Variants in GALNT8 observed in about 807,000 individuals in gnomAD.
GALNT8 encodes polypeptide N-acetylgalactosaminyltransferase 8, also known as probable polypeptide N-acetylgalactosaminyltransferase 8.
A neutral mutation model predicts 62.7 loss-of-function variants in GALNT8; 66 were observed. The ratio of observed to expected loss-of-function variants is 1.05; its 90% CI spans 0.86 to 1.29. GALNT8 has a LOEUF of 1.29. GALNT8 is among the 50% of genes most tolerant of loss of function. The probability of loss-of-function intolerance (pLI) is 0.00; values close to 1 mark genes in which losing one functional copy is unlikely to be tolerated. For synonymous variants in GALNT8, 288 were observed against 294.3 expected, an observed-to-expected ratio of 0.98 and a Z score of 0.22; for missense variants, 771 against 791.8, an observed-to-expected ratio of 0.97 and a Z score of 0.32.
At chr12:4,735,474 A>AC (rs985826112) in intron 2 of GALNT8, among the ~76,000 whole-genome samples, 1 of 151,960 alleles carries the variant, frequency 6.6e-6, no homozygotes, top group Admixed American at 6.6e-5. Context: ...CCTTGGTATC[A>AC]CCCCAGGAAG....
At chr12:4,729,859 C>G (rs11063319) in intron 2 of GALNT8, among the ~76,000 whole-genome samples, 31,490 of 152,014 alleles carry the variant, frequency 0.21, 3,642 homozygotes, top group South Asian at 0.44. Context: ...TGCAATGGTT[C>G]TATTTTTTCC....
At position 4,761,027 on chromosome 12, in the gene GALNT8, A is replaced by G. The variant is rs1268519750; in HGVS notation, c.1243A>G (p.Lys415Glu). ...SRIAHLERHHKPYALDLTAAL... is the reference protein window; with the variant it reads ...SRIAHLERHHEPYALDLTAAL... ...GATTGCCCACCTAGAGAGACACCACAAGCCCTACGCCTTGGATCTCACCGC... is the reference window on the plus strand; with the variant it reads ...GATTGCCCACCTAGAGAGACACCACGAGCCCTACGCCTTGGATCTCACCGC... Residue 415 changes from lysine to glutamate, a missense_variant, in exon 7 of 11, where the codon AAG becomes GAG. Lys to Glu is a moderately conservative substitution (Grantham distance 56). Transcript: ENST00000252318. 3.7e-6 allele frequency: 6 copies of G among 1,614,118 alleles called. No individual in the cohort carries two copies. The highest frequency in any genetic ancestry group is 5.1e-6 in the Non-Finnish European group (6 of 1,180,014).
chr12:4,772,703 T>C lies in GALNT8; in HGVS notation c.*106T>C. On this transcript the variant is annotated 3_prime_UTR_variant, in exon 11 of 11. Coordinates refer to ENST00000252318, the MANE Select transcript of GALNT8 (RefSeq NM_017417.2). ...CAATGAGAAAGAAAGCATGTGTATG[T>C]CTGTTTATGGCGACTTCAGGTGGGG... 1 of 908,444 alleles carries C rather than the reference T, an allele frequency of 1.1e-6. No individual in the cohort carries two copies. Among genetic ancestry groups the C allele is most frequent in the African/African-American group, 1.6e-5 (1 of 61,208 alleles). The allele number at this position is 908,444 out of a possible 1,614,324, so 56.3% of individuals were successfully genotyped here. A position where few individuals can be genotyped will look rare whatever the true frequency, so the allele number is the denominator to read the frequency against.
At position 4,745,476 on chromosome 12, in the gene GALNT8, T is replaced by G. The variant is rs113760665; in HGVS notation, c.908T>G (p.Val303Gly). ...ARIQEDRTVI[V>G]SPVFDNIRFD... ...ATTCAGGAGGACCGCACTGTGATTGTGTCTCCTGTGTTTGACAACATTCGT... is the reference window on the plus strand; with the variant it reads ...ATTCAGGAGGACCGCACTGTGATTGGGTCTCCTGTGTTTGACAACATTCGT... The change falls in exon 5 of 11, where the codon GTG (valine) becomes GGG (glycine). Residue 303 changes from valine (V) to glycine (G), a missense_variant. Coordinates refer to ENST00000252318, the MANE Select transcript of GALNT8 (RefSeq NM_017417.2). 1 of 1,613,124 alleles carries G rather than the reference T, an allele frequency of 6.2e-7. No individual in the cohort carries two copies. Among genetic ancestry groups the G allele is most frequent in the Admixed American group, 1.7e-5 (1 of 60,026 alleles).
chr12:4,744,749 T>A (rs12312983), intron 4 of GALNT8, 49 bp downstream of exon 4: 1 of 1,298,266 alleles, frequency 7.7e-7, no homozygotes, highest in Non-Finnish European at 1.1e-6. Context: ...AGAGGAGATA[T>A]TGTGCATGTA....
Position 4,720,521 on chromosome 12 carries a change from AC to A in GALNT8, c.-154del. 1.6e-6 allele frequency: 1 copy of A among 621,798 alleles called. No individual in the cohort carries two copies. Among genetic ancestry groups the A allele is most frequent in the Non-Finnish European group, 2.9e-6 (1 of 346,200 alleles). 38.5% of individuals were successfully genotyped at this position (621,798 alleles called of 1,614,324 possible). On this transcript the variant is annotated 5_prime_UTR_variant, in exon 1 of 11. Transcript: ENST00000252318. ...AAGGAGACTTTGCTCCTCAGAGGCCACCCGTGGCTTCCCATGGGTGTCTCAC... is the reference window on the plus strand; with the variant it reads ...AAGGAGACTTTGCTCCTCAGAGGCCACCGTGGCTTCCCATGGGTGTCTCAC...
chr12:4,739,396 G>C, intron 3 of GALNT8, 67 bp downstream of exon 3: 1 of 1,380,108 alleles, frequency 7.2e-7, no homozygotes, highest in East Asian at 2.3e-5. Flanking sequence ...GCTGGAAAGA[G>C]GTTTTGGCTT....
chr12:4,745,184 T>G (rs1946291394), intron 4 of GALNT8, among the ~76,000 whole-genome samples: 1 of 152,126 alleles, frequency 6.6e-6, no homozygotes, highest in Non-Finnish European at 1.5e-5. Context: ...CACAACGGCC[T>G]GGGGGTGTTA....
At chr12:4,761,241 C>T (rs1442426233) in intron 7 of GALNT8, 98 bp downstream of exon 7, 2 of 958,660 alleles carry the variant, frequency 2.1e-6, no homozygotes, top group Non-Finnish European at 3.2e-6. Flanking sequence ...CATCGCAGCC[C>T]TAAAGAATTA....
In GALNT8 at chr12:4,726,890, G is replaced by T. The variant is rs1946199069; in HGVS notation, c.509+61G>T. 1 of 1,428,976 alleles carries T rather than the reference G, an allele frequency of 7.0e-7. No homozygotes were observed. The highest frequency in any genetic ancestry group is 1.3e-5 in the South Asian group (1 of 76,318). The allele number at this position is 1,428,976 out of a possible 1,614,324, so 88.5% of individuals were successfully genotyped here. On this transcript the variant is annotated intron_variant, in intron 2 of 10. Transcript: ENST00000252318. The surrounding 1 kb of genome is among the most constrained non-coding windows in gnomAD (Gnocchi z 4.1). ...AGTTTGATTTGAGGATGAGCTTTGG[G>T]AGCAGTGAACATTGAAGGCTGGGGG...
At position 4,770,462 on chromosome 12, in the gene GALNT8, AC is replaced by A. The variant is rs528712512; in HGVS notation, c.1762-1981del. 4.1e-3 allele frequency among the ~76,000 whole-genome samples: 619 copies of A among 152,204 alleles called. 4 individuals are homozygous for A. The highest frequency in any genetic ancestry group is 0.013 in the African/African-American group (561 of 41,556). ...GAAGTTGAGTGGAAATAGAAAACAG[AC>A]CACTGACTTTGTCTAAAAGGTCACA... On this transcript the variant is annotated intron_variant, in intron 10 of 10. Coordinates refer to ENST00000252318, the MANE Select transcript of GALNT8 (RefSeq NM_017417.2).
intron 9 of GALNT8, among the ~76,000 whole-genome samples, chr12:4,765,142 T>C (rs547801056): frequency 1.3e-5 from 2 of 152,204 alleles, no homozygotes; most frequent in South Asian, 4.2e-4. Context: ...CCATGTAAGC[T>C]ATGATTCTGT....
chr12:4,724,262 G>T (rs972481880), intron 1 of GALNT8, among the ~76,000 whole-genome samples: 14 of 152,070 alleles, frequency 9.2e-5, no homozygotes, highest in African/African-American at 3.4e-4. Flanking sequence ...TATTGAGGGA[G>T]GGATCAATGA....
chr12:4,722,743 GT>G (rs1345250598), intron 1 of GALNT8, among the ~76,000 whole-genome samples: 1 of 152,174 alleles, frequency 6.6e-6, no homozygotes, highest in Non-Finnish European at 1.5e-5. Flanking sequence ...TGGGGCTGGA[GT>G]TGGGGAAAGT....
intron 4 of GALNT8, 87 bp downstream of exon 4, chr12:4,744,787 A>G (rs547617872): frequency 1.2e-6 from 1 of 864,116 alleles, no homozygotes; most frequent in African/African-American, 1.7e-5. Context: ...TACTGTGGAC[A>G]CAGGGAAAGT....
chr12:4,726,817 C>T lies in GALNT8; in HGVS notation c.497C>T (p.Thr166Met), dbSNP rs201255097. Residue 166 changes from threonine to methionine, a missense_variant, in exon 2 of 11, where the codon ACG becomes ATG. Transcript: ENST00000252318. This position sits in a 1 kb window ranked among gnomAD's most constrained non-coding sequence, Gnocchi z 4.1. ...CCTCTCAATCGCACCATCCCCGACA[C>T]GCGAGACTACAGGTGGGATGAACCA... ...QLPLNRTIPD[T>M]RDYRCLRKTY... The T allele has an allele frequency of 5.0e-6, 8 of 1,611,638 alleles. No individual in the cohort carries two copies. Among genetic ancestry groups the T allele is most frequent in the East Asian group, 2.2e-5 (1 of 44,834 alleles).
intron 10 of GALNT8, among the ~76,000 whole-genome samples, chr12:4,769,163 A>G (rs1169482139): frequency 6.6e-6 from 1 of 152,208 alleles, no homozygotes; most frequent in African/African-American, 2.4e-5. Flanking sequence ...ACAGCTCACA[A>G]TACAAAGAGG....
In GALNT8 at chr12:4,747,185, C is replaced by T. The variant is rs139587433; in HGVS notation, c.1173+927C>T. 6.6e-3 allele frequency among the ~76,000 whole-genome samples: 1,003 copies of T among 152,216 alleles called. 12 individuals are homozygous for T. The highest frequency in any genetic ancestry group is 0.023 in the African/African-American group (958 of 41,532). On this transcript the variant is annotated intron_variant, in intron 6 of 10. Transcript: ENST00000252318. ...ATGTCATAGAGAATGGGGTATCCAT[C>T]CCCTCAAGCATTTATCCTTTGTGTT...
At chr12:4,765,605 T>G (rs746377447) in intron 10 of GALNT8, 59 bp downstream of exon 10, 25 of 1,353,772 alleles carry the variant, frequency 1.8e-5, no homozygotes, top group Non-Finnish European at 2.2e-5. Flanking sequence ...GTTTTGAGAC[T>G]GAGTCTTGCT....
Sources: allele counts gnomAD v4.1 joint callset (sites outside exome capture counted in the v4.1 genomes callset), GRCh38; gene constraint gnomAD v4.1.1; non-coding constraint Gnocchi (gnomAD v3.1); transcripts MANE v1.5; gene names NCBI Gene and HGNC (gene_info 2026-07-23, HGNC 2026-07-21).